The following FGF14 variants were observed in gnomAD, a reference collection of about 807,000 sequenced individuals.
FGF14 encodes fibroblast growth factor homologous factor 4.
A neutral mutation model predicts 25.5 loss-of-function variants in FGF14; 5 were observed. The ratio of observed to expected loss-of-function variants is 0.20; its 90% CI spans 0.10 to 0.41. FGF14 has a LOEUF of 0.41. FGF14 is among the 10% of genes least tolerant of loss of function. The pLI is 1.00. For missense variants in FGF14, 222 were observed against 320.1 expected, an observed-to-expected ratio of 0.69 and a Z score of 2.34; for synonymous variants, 138 against 118.3, an observed-to-expected ratio of 1.17 and a Z score of -1.08.
rs150164051 is a variant in FGF14 at position 101,852,452 on chromosome 13, C to T, written c.408+16273G>A. 2.5e-3 allele frequency among the ~76,000 whole-genome samples: 384 copies of T among 152,164 alleles called. 8 individuals carry two copies. The highest frequency in any genetic ancestry group is 0.024 in the Admixed American group (362 of 15,268). On this transcript the variant is annotated intron_variant, in intron 3 of 4. Coordinates refer to ENST00000376143, the MANE Select transcript of FGF14 (RefSeq NM_004115.4). ...TCCTTTTCTTGAAGGAGGAAAAAAACAATCCCAAGTTACTTGCTGACAAAA... is the reference window on the plus strand; with the variant it reads ...TCCTTTTCTTGAAGGAGGAAAAAAATAATCCCAAGTTACTTGCTGACAAAA...
intron 1 of FGF14, among the ~76,000 whole-genome samples, chr13:101,982,566 T>C (rs1421904893): frequency 2.0e-5 from 3 of 152,208 alleles, no homozygotes; most frequent in African/African-American, 7.2e-5. Context: ...ATATTCTTTA[T>C]AAAATAGATC....
At chr13:101,883,394 A>C (rs1031359509) in intron 1 of FGF14, among the ~76,000 whole-genome samples, 3 of 152,202 alleles carry the variant, frequency 2.0e-5, no homozygotes, top group African/African-American at 7.2e-5. Flanking sequence ...AATCCTTTCT[A>C]TGTTTTGTTT....
intron 1 of FGF14, among the ~76,000 whole-genome samples, chr13:102,383,782 G>A (rs555190830): frequency 6.7e-6 from 1 of 149,952 alleles, no homozygotes; most frequent in Admixed American, 6.6e-5. Flanking sequence ...GGAAGATTAA[G>A]ACCCTGTCTG....
chr13:102,217,059 T>G (rs1271665259), intron 1 of FGF14, among the ~76,000 whole-genome samples: 1 of 152,182 alleles, frequency 6.6e-6, no homozygotes, highest in Non-Finnish European at 1.5e-5. Flanking sequence ...CATCCACTGA[T>G]GGACACAGGT....
chr13:101,935,774 C>A (rs546230621), intron 1 of FGF14, among the ~76,000 whole-genome samples: 2 of 152,278 alleles, frequency 1.3e-5, no homozygotes, highest in South Asian at 4.1e-4. Context: ...ATATGCCCCC[C>A]AAAACAAAAC....
At chr13:102,124,616 G>A (rs1566716899) in intron 1 of FGF14, among the ~76,000 whole-genome samples, 2 of 152,060 alleles carry the variant, frequency 1.3e-5, no homozygotes, top group Non-Finnish European at 1.5e-5. Context: ...GTACTGTACA[G>A]GCATGAGTTC....
intron 1 of FGF14, among the ~76,000 whole-genome samples, chr13:102,229,295 T>A (rs2050970093): frequency 6.6e-6 from 1 of 152,206 alleles, no homozygotes; most frequent in East Asian, 1.9e-4. Flanking sequence ...AATGTTTACT[T>A]AGTACTTAAG....
At chr13:102,226,661 T>C (rs1304154997) in intron 1 of FGF14, among the ~76,000 whole-genome samples, 1 of 152,192 alleles carries the variant, frequency 6.6e-6, no homozygotes, top group Non-Finnish European at 1.5e-5. Context: ...CTTCCAGTTT[T>C]TGGCCTTTTA....
intron 1 of FGF14, among the ~76,000 whole-genome samples, chr13:101,909,807 G>GCA (rs1320833945): frequency 6.6e-6 from 1 of 152,096 alleles, no homozygotes; most frequent in Non-Finnish European, 1.5e-5. Context: ...GTTTCTTGCG[G>GCA]CACTATTCAC....
intron 1 of FGF14, among the ~76,000 whole-genome samples, chr13:102,075,964 G>T (rs982911639): frequency 6.6e-6 from 1 of 152,144 alleles, no homozygotes; most frequent in African/African-American, 2.4e-5. Context: ...TTTTTATAGA[G>T]CTGTGCAATG....
intron 1 of FGF14, among the ~76,000 whole-genome samples, chr13:102,126,435 T>C (rs2045952095): frequency 6.6e-6 from 1 of 152,210 alleles, no homozygotes; most frequent in Non-Finnish European, 1.5e-5. Flanking sequence ...CTATTGTATG[T>C]AGATACCACA....
intron 1 of FGF14, among the ~76,000 whole-genome samples, chr13:102,071,255 A>C (rs1016813797): frequency 1.3e-5 from 2 of 152,244 alleles, no homozygotes; most frequent in African/African-American, 4.8e-5. Flanking sequence ...TCCAGATTGC[A>C]GGGCAGATTT....
intron 3 of FGF14, among the ~76,000 whole-genome samples, chr13:101,780,845 C>T (rs1292465252): frequency 6.6e-6 from 1 of 152,048 alleles, no homozygotes; most frequent in Non-Finnish European, 1.5e-5. Context: ...ACAAGCATTT[C>T]ATTAACTGAA....
At chr13:101,827,119 T>A (rs1676380393) in intron 3 of FGF14, among the ~76,000 whole-genome samples, 1 of 152,058 alleles carries the variant, frequency 6.6e-6, no homozygotes, top group African/African-American at 2.4e-5. Flanking sequence ...ATACATAATA[T>A]AATCATACAT....
intron 1 of FGF14, among the ~76,000 whole-genome samples, chr13:102,043,122 T>C (rs955563298): frequency 7.2e-5 from 11 of 152,224 alleles, no homozygotes; most frequent in African/African-American, 2.7e-4. Flanking sequence ...AAATAATTAA[T>C]GTCTTACATT....
intron 1 of FGF14, among the ~76,000 whole-genome samples, chr13:102,021,846 G>A (rs2040669167): frequency 6.6e-6 from 1 of 151,998 alleles, no homozygotes; most frequent in South Asian, 2.1e-4. Context: ...GGAAGCAGGA[G>A]CCATGACTTC....
At chr13:102,222,599 T>C (rs1289405164) in intron 1 of FGF14, among the ~76,000 whole-genome samples, 1 of 152,180 alleles carries the variant, frequency 6.6e-6, no homozygotes, top group Non-Finnish European at 1.5e-5. Context: ...TCCTTGTACC[T>C]CCTTCCCACT....
At chr13:101,909,360 T>A (rs2032638923) in intron 1 of FGF14, among the ~76,000 whole-genome samples, 1 of 151,962 alleles carries the variant, frequency 6.6e-6, no homozygotes, top group Admixed American at 6.6e-5. Context: ...AGGGCTAATA[T>A]CCAGAATCTA....
intron 1 of FGF14, among the ~76,000 whole-genome samples, chr13:102,044,096 G>A (rs975487120): frequency 2.6e-5 from 4 of 152,104 alleles, no homozygotes; most frequent in African/African-American, 9.7e-5. Context: ...AAGTCTATTT[G>A]CACAGAAGAT....
Sources: allele counts gnomAD v4.1 joint callset (sites outside exome capture counted in the v4.1 genomes callset), GRCh38; gene constraint gnomAD v4.1.1; transcripts MANE v1.5; gene names NCBI Gene and HGNC (gene_info 2026-07-23, HGNC 2026-07-21).